BST1: variants seen among roughly 807,000 people sequenced by gnomAD.
BST1 encodes ADP-ribosyl cyclase/cyclic ADP-ribose hydrolase 2.
BST1 carries 49 observed loss-of-function variants against 40.6 expected under a neutral mutation model. That is an observed-to-expected ratio of 1.21 (90% CI 0.96 to 1.53). The LOEUF (loss-of-function observed/expected upper bound fraction) is 1.53, where lower values mean the gene tolerates loss of function less well. Ranked by LOEUF, BST1 falls within the 40% of genes most tolerant of loss-of-function variation. The pLI is 0.00. For synonymous variants in BST1, 157 were observed against 159.3 expected (o/e 0.99, Z 0.11); for missense variants, 423 against 395.9 (o/e 1.07, Z -0.58).
chr4:15,718,025 C>T (rs912039355), intron 6 of BST1, among the ~76,000 whole-genome samples: 1 of 152,202 alleles, frequency 6.6e-6, no homozygotes, highest in Non-Finnish European at 1.5e-5. Flanking sequence ...AGAAGGTAGA[C>T]TTATAGCTTA....
At chr4:15,772,958 C>T in the BST1 span, among the ~76,000 whole-genome samples, 1 of 152,014 alleles carries the variant, frequency 6.6e-6, no homozygotes, top group Non-Finnish European at 1.5e-5. Flanking sequence ...CTTGTCATGT[C>T]CAGAGCAAGA....
At chr4:15,731,381 G>C in intron 8 of BST1, 1 of 534,612 alleles carries the variant, frequency 1.9e-6, no homozygotes, top group Non-Finnish European at 3.4e-6. Context: ...CCATGTGGTG[G>C]AAATCCACAG....
In BST1 at chr4:15,732,090, A is replaced by G; in HGVS notation, c.*245A>G. 8.2e-7 allele frequency: 1 copy of G among 1,213,998 alleles called. No homozygotes were observed. The highest frequency in any genetic ancestry group is 4.2e-5 in the East Asian group (1 of 23,548). The allele number at this position is 1,213,998 out of a possible 1,614,324, so 75.2% of individuals were successfully genotyped here. ...AAGCAAGTTATTTTCTTATTTGTAT[A>G]ATGACACAAAGCATTGGGAGTCAGA... On this transcript the variant is annotated 3_prime_UTR_variant, in exon 9 of 9. Coordinates refer to ENST00000265016, the MANE Select transcript of BST1 (RefSeq NM_004334.3).
chr4:15,761,022 A>G, the BST1 span, among the ~76,000 whole-genome samples: 808 of 151,764 alleles, frequency 5.3e-3, 7 homozygotes, highest in Non-Finnish European at 8.6e-3. Context: ...TATGTATGGC[A>G]TATAGTTTTT....
At chr4:15,761,373 T>C in the BST1 span, among the ~76,000 whole-genome samples, 1 of 151,918 alleles carries the variant, frequency 6.6e-6, no homozygotes, top group African/African-American at 2.4e-5. Context: ...CCTTCTCACT[T>C]GGAAAGGAAA....
the BST1 span, among the ~76,000 whole-genome samples, chr4:15,750,796 G>A: frequency 2.0e-5 from 3 of 151,934 alleles, no homozygotes; most frequent in African/African-American, 7.3e-5. Context: ...AACATTAATT[G>A]TAACTGGGTT....
chr4:15,703,887 G>A (rs568808981), intron 1 of BST1, among the ~76,000 whole-genome samples: 29 of 140,716 alleles, frequency 2.1e-4, no homozygotes, highest in Admixed American at 1.9e-3. Flanking sequence ...AGAGGTGAAG[G>A]GGGTGTGTGT....
chr4:15,771,480 G>T, the BST1 span, among the ~76,000 whole-genome samples: 1 of 152,234 alleles, frequency 6.6e-6, no homozygotes, highest in African/African-American at 2.4e-5. Flanking sequence ...TGTAGCAGAA[G>T]TAAGGGGCTA....
At chr4:15,760,912 T>C in the BST1 span, among the ~76,000 whole-genome samples, 1 of 151,322 alleles carries the variant, frequency 6.6e-6, no homozygotes, top group African/African-American at 2.4e-5. Context: ...CCCAGGCTGG[T>C]TTCAAATTCC....
downstream of BST1, among the ~76,000 whole-genome samples, chr4:15,733,771 C>T (rs369566670): frequency 2.8e-4 from 43 of 152,202 alleles, no homozygotes; most frequent in South Asian, 3.5e-3. Flanking sequence ...CTAAACCATC[C>T]GAAACCACCT....
At chr4:15,749,159 A>AG in the BST1 span, among the ~76,000 whole-genome samples, 1 of 152,172 alleles carries the variant, frequency 6.6e-6, no homozygotes, top group African/African-American at 2.4e-5. Context: ...ACTCCCAGGA[A>AG]GGATATTAAT....
At chr4:15,762,717 C>T in the BST1 span, among the ~76,000 whole-genome samples, 67 of 151,938 alleles carry the variant, frequency 4.4e-4, 2 homozygotes, top group African/African-American at 1.6e-3. Context: ...TTCTGCTAAC[C>T]CCAACTTCCT....
chr4:15,759,537 T>G, the BST1 span, among the ~76,000 whole-genome samples: 3 of 151,942 alleles, frequency 2.0e-5, no homozygotes, highest in Non-Finnish European at 4.4e-5. Flanking sequence ...TCATTTTTCT[T>G]CTTTTTTCTT....
intron 4 of BST1, among the ~76,000 whole-genome samples, chr4:15,713,214 T>TTC (rs1372609074): frequency 7.2e-6 from 1 of 139,858 alleles, no homozygotes; most frequent in African/African-American, 2.6e-5. Context: ...ATCTTTTTTT[T>TTC]TTTTTTTTTT....
chr4:15,729,469 T>TA lies in BST1; in HGVS notation c.852-2269dup, dbSNP rs1326387189. ...GAGACCCTGTCTCAAAGAATAATAA[T>TA]AATAATAATAACTTAACCTGAAATA... is the stretch of plus-strand genomic sequence containing the variant. On this transcript the variant is annotated intron_variant, in intron 8 of 8. Transcript: ENST00000265016. Among the ~76,000 whole-genome samples the TA allele has an allele frequency of 8.5e-5, 13 of 152,176 alleles. No individual in the cohort carries two copies. In the South Asian group the frequency reaches 1.9e-3, roughly 22 times the overall value.
downstream of BST1, among the ~76,000 whole-genome samples, chr4:15,736,664 C>T (rs1294984205): frequency 6.6e-6 from 1 of 152,014 alleles, no homozygotes; most frequent in Non-Finnish European, 1.5e-5. Context: ...CCTAAACTGC[C>T]TTACTAGGTC....
chr4:15,758,176 TG>T, the BST1 span, among the ~76,000 whole-genome samples: 2 of 152,132 alleles, frequency 1.3e-5, no homozygotes, highest in African/African-American at 2.4e-5. Context: ...AGGGGGTACA[TG>T]GGCAGGTTTG....
chr4:15,754,880 G>A, the BST1 span, among the ~76,000 whole-genome samples: 1 of 152,108 alleles, frequency 6.6e-6, no homozygotes, highest in African/African-American at 2.4e-5. Flanking sequence ...GATCTGTCTA[G>A]GGTTTCTTTG....
the BST1 span, among the ~76,000 whole-genome samples, chr4:15,759,457 T>A: frequency 6.6e-6 from 1 of 152,026 alleles, no homozygotes; most frequent in Non-Finnish European, 1.5e-5. Flanking sequence ...TGGCACTTAG[T>A]AAATGCTCAG....
Sources: gnomAD v4.1 joint callset for allele counts (sites outside exome capture counted in the v4.1 genomes callset) on GRCh38, gnomAD v4.1.1 for gene constraint, MANE v1.5 for transcripts, NCBI Gene and HGNC (gene_info 2026-07-23, HGNC 2026-07-21) for gene names.